Variants in ZMYM4 observed in about 807,000 individuals in gnomAD.
The protein encoded by ZMYM4 is zinc finger MYM-type protein 4.
ZMYM4 carries 31 observed loss-of-function variants against 183.2 expected under a neutral mutation model. The observed-to-expected ratio is 0.17, with a 90% CI of 0.13 to 0.23. ZMYM4 has a LOEUF of 0.23. Among genes scored for constraint, ZMYM4 ranks in the 10% least tolerant of loss-of-function variants. The pLI is 1.00. For missense variants in ZMYM4, 1,273 were observed against 1,840.3 expected, an observed-to-expected ratio of 0.69 and a Z score of 5.64; for synonymous variants, 592 against 631.2, an observed-to-expected ratio of 0.94 and a Z score of 0.93.
Position 35,392,317 on chromosome 1 carries a change from C to T in ZMYM4, c.2693C>T (p.Ala898Val). ...NVVSLASAPA[A>V]QPTVNSNSVL... ...GTATCATTGGCAAGTGCCCCTGCTGCTCAGCCTACAGTGAATTCTAACAGT... is the reference window on the plus strand; with the variant it reads ...GTATCATTGGCAAGTGCCCCTGCTGTTCAGCCTACAGTGAATTCTAACAGT... The change falls in exon 16 of 30, where the codon GCT becomes GTT. Residue 898 changes from alanine (A) to valine (V), a missense_variant. By Grantham distance (64) the Ala-to-Val change is moderately conservative (BLOSUM62 0). Transcript: ENST00000314607. The T allele has an allele frequency of 1.2e-6, 2 of 1,614,218 alleles. No homozygotes were observed. Among genetic ancestry groups the T allele is most frequent in the Non-Finnish European group, 1.7e-6 (2 of 1,180,034 alleles).
chr1:35,399,101 T>C, intron 22 of ZMYM4, 58 bp downstream of exon 22: 1 of 1,543,206 alleles, frequency 6.5e-7, no homozygotes, highest in Non-Finnish European at 8.9e-7. Context: ...TCGGTACAAC[T>C]CTGAATTGAC....
Position 35,386,982 on chromosome 1 carries a change from T to C in ZMYM4, c.1837-21T>C, listed in dbSNP as rs796731662. On this transcript the variant is annotated intron_variant, in intron 11 of 29. Coordinates refer to ENST00000314607, the MANE Select transcript of ZMYM4 (RefSeq NM_005095.3). ...TTTAACAAAGATTAAATTGATACTT[T>C]TTGTTGTTTTGTTTTTCCAGAATTT... The C allele has an allele frequency of 3.7e-6, 6 of 1,606,792 alleles. No homozygotes were observed. The African/African-American group carries it at 5.3e-5, about 14-fold the overall frequency.
intron 1 of ZMYM4, among the ~76,000 whole-genome samples, chr1:35,287,870 C>T (rs1640582614): frequency 1.3e-5 from 2 of 152,100 alleles, no homozygotes; most frequent in African/African-American, 4.8e-5. Context: ...TCCCAAAATG[C>T]TAGGATTACA....
At chr1:35,317,390 G>A (rs914365557) in intron 1 of ZMYM4, among the ~76,000 whole-genome samples, 13 of 152,090 alleles carry the variant, frequency 8.5e-5, no homozygotes, top group Admixed American at 1.3e-4. Context: ...CTGAGATTGC[G>A]CCATTGCCCT....
chr1:35,360,820 G>C (rs1184271993), intron 3 of ZMYM4, among the ~76,000 whole-genome samples: 1 of 151,926 alleles, frequency 6.6e-6, no homozygotes, highest in African/African-American at 2.4e-5. Context: ...TAGAGGAGAG[G>C]TGAATTTTTA....
chr1:35,268,914 G>C lies in ZMYM4; in HGVS notation c.-133G>C. The C allele has an allele frequency of 3.7e-6, 4 of 1,068,690 alleles. No individual in the cohort carries two copies. Among genetic ancestry groups the C allele is most frequent in the African/African-American group, 1.7e-5 (1 of 60,266 alleles). The allele number at this position is 1,068,690 out of a possible 1,614,324, so 66.2% of individuals were successfully genotyped here. On this transcript the variant is annotated 5_prime_UTR_variant, in exon 1 of 30. Transcript: ENST00000314607. ...CGGCATCCGCCCCCTCCCCACTCTC[G>C]GCGCAAGGCCCGGCCGGGTCCGGGG...
At chr1:35,367,784 T>C (rs902165525) in intron 5 of ZMYM4, among the ~76,000 whole-genome samples, 3 of 151,894 alleles carry the variant, frequency 2.0e-5, no homozygotes, top group African/African-American at 7.2e-5. Flanking sequence ...AAGACCAGCC[T>C]GGCCAACATG....
At chr1:35,362,711 T>C (rs1384351369) in intron 5 of ZMYM4, among the ~76,000 whole-genome samples, 1 of 148,242 alleles carries the variant, frequency 6.7e-6, no homozygotes, top group Non-Finnish European at 1.5e-5. Flanking sequence ...GTTTTTTCTC[T>C]TTTTTTTTTG....
At chr1:35,322,258 A>G (rs1431611902) in intron 1 of ZMYM4, among the ~76,000 whole-genome samples, 1 of 152,188 alleles carries the variant, frequency 6.6e-6, no homozygotes, top group Non-Finnish European at 1.5e-5. Flanking sequence ...TGCTTTATAC[A>G]TAGAATATTA....
rs1486574168 is a variant in ZMYM4, at chr1:35,269,037, G to A, written c.-10G>A. The A allele has an allele frequency of 1.3e-5, 20 of 1,542,588 alleles. No individual in the cohort carries two copies. Among genetic ancestry groups the A allele is most frequent in the Non-Finnish European group, 1.7e-5 (19 of 1,144,084 alleles). ...GCGGGGAGCCGCAGCGGTTCCGAGC[G>A]GGGCCCAACATGGCGGAGAGAGAGG... On this transcript the variant is annotated 5_prime_UTR_variant, in exon 1 of 30. Transcript: ENST00000314607.
At chr1:35,270,259 C>G (rs555482452) in intron 1 of ZMYM4, among the ~76,000 whole-genome samples, 2 of 152,092 alleles carry the variant, frequency 1.3e-5, no homozygotes, top group African/African-American at 4.8e-5. Context: ...CAGGTTTGTC[C>G]CAACTATAGT....
intron 5 of ZMYM4, among the ~76,000 whole-genome samples, chr1:35,365,237 GTCTTT>G (rs1644043250): frequency 7.9e-6 from 1 of 126,982 alleles, no homozygotes; most frequent in Admixed American, 8.0e-5. Flanking sequence ...CATAATCAAA[GTCTTT>G]TTTTTTTTTT....
intron 5 of ZMYM4, among the ~76,000 whole-genome samples, chr1:35,367,173 G>C (rs1351235611): frequency 2.0e-5 from 3 of 152,044 alleles, no homozygotes; most frequent in Non-Finnish European, 4.4e-5. Context: ...TGGAGAGGTT[G>C]AATGTGGCAA....
chr1:35,278,947 A>G (rs538469962), intron 1 of ZMYM4, among the ~76,000 whole-genome samples: 163 of 152,302 alleles, frequency 1.1e-3, no homozygotes, highest in Non-Finnish European at 2.1e-3. Context: ...TTCCCATTCA[A>G]AAGGAAGAAA....
At chr1:35,366,166 T>C (rs1401014089) in intron 5 of ZMYM4, 1 of 152,220 alleles carries the variant, frequency 6.6e-6, no homozygotes, top group East Asian at 1.9e-4. Context: ...TAGAAAATCT[T>C]TTAATACATA....
intron 1 of ZMYM4, among the ~76,000 whole-genome samples, chr1:35,315,418 A>G (rs954144269): frequency 2.0e-5 from 3 of 152,238 alleles, no homozygotes; most frequent in African/African-American, 7.2e-5. Flanking sequence ...TCTACTAAAA[A>G]AAATTACTAC....
At chr1:35,379,762 T>C (rs183836853) in intron 7 of ZMYM4, among the ~76,000 whole-genome samples, 3 of 152,334 alleles carry the variant, frequency 2.0e-5, no homozygotes, top group Non-Finnish European at 2.9e-5. Flanking sequence ...AGGTTATTCA[T>C]TGGCCTGCTT....
chr1:35,399,825 G>A (rs1486045861), intron 23 of ZMYM4, among the ~76,000 whole-genome samples: 1 of 151,842 alleles, frequency 6.6e-6, no homozygotes, highest in Non-Finnish European at 1.5e-5. Flanking sequence ...ACTTTTTATA[G>A]TTATTTTTTA....
At chr1:35,405,769 G>GT (rs11312114) in intron 25 of ZMYM4, among the ~76,000 whole-genome samples, 80 of 142,528 alleles carry the variant, frequency 5.6e-4, no homozygotes, top group African/African-American at 1.8e-3. Context: ...TTTTTTTTTT[G>GT]TTTTTTTTTT....
Sources: allele counts gnomAD v4.1 joint callset (sites outside exome capture counted in the v4.1 genomes callset), GRCh38; gene constraint gnomAD v4.1.1; transcripts MANE v1.5; gene names NCBI Gene and HGNC (gene_info 2026-07-23, HGNC 2026-07-21).